Variants in HEBP1 observed in about 807,000 individuals in gnomAD.
HEBP1 encodes heme-binding protein 1.
Under a neutral mutation model 20.4 loss-of-function variants are expected in HEBP1, and 13 were observed. That is an observed-to-expected ratio of 0.64 (90% CI 0.42 to 1.01). HEBP1 has a LOEUF of 1.01. Ranked by LOEUF, HEBP1 falls within the 50% of genes least tolerant of loss-of-function variation. HEBP1 has a pLI of 0.00. For synonymous variants in HEBP1, 92 were observed against 90.7 expected (o/e 1.01, Z -0.08); for missense variants, 241 against 247.3 (o/e 0.97, Z 0.17).
chr12:12,990,651 C>T (rs1022307262), intron 1 of HEBP1, among the ~76,000 whole-genome samples: 2 of 152,094 alleles, frequency 1.3e-5, no homozygotes, highest in Admixed American at 1.3e-4. Flanking sequence ...TGGTAACAGC[C>T]CTTTCCCAAT....
At chr12:12,993,596 G>T (rs1864255593) in intron 1 of HEBP1, among the ~76,000 whole-genome samples, 1 of 151,116 alleles carries the variant, frequency 6.6e-6, no homozygotes, top group Non-Finnish European at 1.5e-5. Context: ...TGGGCGGACA[G>T]TTGTATGCCC....
intron 2 of HEBP1, among the ~76,000 whole-genome samples, 171 bp from the exon 3 acceptor site, chr12:12,987,503 T>A (rs979036718): frequency 7.2e-5 from 11 of 152,160 alleles, no homozygotes; most frequent in Admixed American, 7.2e-4. Context: ...CACCTGTTAT[T>A]TGTATACGCT....
intron 1 of HEBP1, among the ~76,000 whole-genome samples, chr12:12,997,988 T>G (rs980549399): frequency 2.8e-4 from 42 of 152,140 alleles, no homozygotes; most frequent in African/African-American, 1.0e-3. Flanking sequence ...CAGCTCTCTG[T>G]GTTGGCTTGG....
chr12:12,990,834 AGATATTTTCCAGACCCTGTACTC>A, intron 1 of HEBP1, among the ~76,000 whole-genome samples: 1 of 152,304 alleles, frequency 6.6e-6, no homozygotes, highest in Admixed American at 6.5e-5. Flanking sequence ...TCAGTGCGTG[AGATATTTTCCAGACCCTGTACTC>A]GATGGATCAG....
intron 3 of HEBP1, among the ~76,000 whole-genome samples, chr12:12,976,739 C>G (rs939651741): frequency 2.6e-5 from 4 of 152,190 alleles, no homozygotes; most frequent in Admixed American, 2.6e-4. Context: ...TTTTGAATAG[C>G]AGAGGCTTGA....
chr12:12,982,419 G>GCA (rs1864098757), intron 3 of HEBP1, among the ~76,000 whole-genome samples: 2 of 152,168 alleles, frequency 1.3e-5, no homozygotes, highest in Admixed American at 1.3e-4. Flanking sequence ...AAACAGGGTT[G>GCA]AATTATCTAG....
intron 1 of HEBP1, among the ~76,000 whole-genome samples, chr12:12,997,253 T>C (rs555915030): frequency 6.6e-6 from 1 of 152,282 alleles, no homozygotes; most frequent in Admixed American, 6.5e-5. Flanking sequence ...TAACGGCAAG[T>C]GACACTGTAT....
At chr12:12,979,343 AAAAC>A (rs946124054) in intron 3 of HEBP1, 1 of 152,460 alleles carries the variant, frequency 6.6e-6, no homozygotes, top group African/African-American at 2.4e-5. Flanking sequence ...CTTTTACTGG[AAAAC>A]AAACAAACTG....
intron 1 of HEBP1, among the ~76,000 whole-genome samples, chr12:12,995,871 C>A (rs1864282883): frequency 6.6e-6 from 1 of 152,160 alleles, no homozygotes; most frequent in Non-Finnish European, 1.5e-5. Context: ...AGATTTTGGC[C>A]TGTGGCTACA....
At chr12:12,993,914 C>T (rs1277495170) in intron 1 of HEBP1, among the ~76,000 whole-genome samples, 1 of 152,142 alleles carries the variant, frequency 6.6e-6, no homozygotes, top group South Asian at 2.1e-4. Flanking sequence ...GTTTATGGGG[C>T]ATGGGTGTAT....
At chr12:12,989,175 T>C in intron 2 of HEBP1, 102 bp downstream of exon 2, 7 of 1,273,840 alleles carry the variant, frequency 5.5e-6, no homozygotes, top group Non-Finnish European at 7.9e-6. Flanking sequence ...AACAGGTCAC[T>C]ACAGGTGCCT....
chr12:12,988,646 G>T (rs1188583954), intron 2 of HEBP1, among the ~76,000 whole-genome samples: 1 of 152,080 alleles, frequency 6.6e-6, no homozygotes, highest in Non-Finnish European at 1.5e-5. Context: ...AAATTAGAGG[G>T]CTTCTCACGA....
chr12:12,991,032 A>G (rs1320349236), intron 1 of HEBP1, among the ~76,000 whole-genome samples: 2 of 152,160 alleles, frequency 1.3e-5, no homozygotes, highest in Non-Finnish European at 2.9e-5. Flanking sequence ...AATTATCTTT[A>G]AAAACTCTCA....
intron 3 of HEBP1, among the ~76,000 whole-genome samples, chr12:12,976,053 C>T (rs564448886): frequency 1.4e-5 from 2 of 138,678 alleles, no homozygotes; most frequent in Non-Finnish European, 3.1e-5. Flanking sequence ...GCTAGGCTAG[C>T]CTGGGCAACA....
intron 2 of HEBP1, among the ~76,000 whole-genome samples, chr12:12,987,964 T>C (rs1360192183): frequency 1.3e-5 from 2 of 152,118 alleles, no homozygotes; most frequent in African/African-American, 4.8e-5. Flanking sequence ...ATTTAAAACA[T>C]CAATCTAAAA....
chr12:12,981,121 T>G (rs760671447), intron 3 of HEBP1, among the ~76,000 whole-genome samples: 1 of 144,942 alleles, frequency 6.9e-6, no homozygotes, highest in Non-Finnish European at 1.5e-5. Flanking sequence ...AAGGGACAGC[T>G]GGGAGCTGAC....
chr12:12,998,838 G>T lies in HEBP1; in HGVS notation c.78+1199C>A, dbSNP rs187823573. The stretch of plus-strand genomic sequence containing the variant: ...AGCAGCACTCTCCTTGTTTTCAGGG[G>T]TGCAGTCCAGTTAGCCCATGTTAGC... On this transcript the variant is annotated intron_variant, in intron 1 of 3. Transcript: ENST00000014930. The surrounding 1 kb of genome is among the most constrained non-coding windows in gnomAD (Gnocchi z 4.2). 6.6e-6 allele frequency among the ~76,000 whole-genome samples: 1 copy of T among 152,320 alleles called. No individual in the cohort carries two copies. Among genetic ancestry groups the T allele is most frequent in the Admixed American group, 6.5e-5 (1 of 15,304 alleles).
At chr12:12,994,352 T>C (rs1300044480) in intron 1 of HEBP1, among the ~76,000 whole-genome samples, 1 of 152,158 alleles carries the variant, frequency 6.6e-6, no homozygotes, top group Non-Finnish European at 1.5e-5. Flanking sequence ...ATTAGTCCAG[T>C]GATGGTGATT....
chr12:12,995,287 T>G (rs922426836), intron 1 of HEBP1, among the ~76,000 whole-genome samples: 4 of 152,186 alleles, frequency 2.6e-5, no homozygotes, highest in African/African-American at 9.7e-5. Flanking sequence ...AATGATGTGT[T>G]AAACTCCCAC....
Sources: gnomAD v4.1 joint callset for allele counts (sites outside exome capture counted in the v4.1 genomes callset) on GRCh38, gnomAD v4.1.1 for gene constraint, Gnocchi (gnomAD v3.1) non-coding constraint, MANE v1.5 for transcripts, NCBI Gene and HGNC (gene_info 2026-07-23, HGNC 2026-07-21) for gene names.